RBFOX1: variants seen among roughly 807,000 people sequenced by gnomAD.
RBFOX1 encodes the protein RNA binding fox-1 homolog 1, also known as RNA binding protein fox-1 homolog 1.
In RBFOX1, 8 loss-of-function variants were observed where a neutral mutation model predicts 57.7. The observed-to-expected ratio is 0.14, with a 90% CI of 0.08 to 0.25. The LOEUF is 0.25. Among genes scored for constraint, RBFOX1 ranks in the 10% least tolerant of loss-of-function variants. The probability of loss-of-function intolerance (pLI) is 1.00; values close to 1 mark genes in which losing one functional copy is unlikely to be tolerated. For synonymous variants in RBFOX1, 326 were observed against 222.4 expected (o/e 1.47, Z -4.15); for missense variants, 611 against 548.5 (o/e 1.11, Z -1.14).
chr16:6,612,845 C>T (rs561769898), intron 2 of RBFOX1, among the ~76,000 whole-genome samples: 1 of 63,704 alleles, frequency 1.6e-5, no homozygotes, highest in Non-Finnish European at 2.8e-5. Context: ...GTGAGACTCT[C>T]TCTCAAAAAA....
intron 4 of RBFOX1, among the ~76,000 whole-genome samples, chr16:7,060,186 C>A (rs1367772765): frequency 6.6e-6 from 1 of 152,158 alleles, no homozygotes; most frequent in Non-Finnish European, 1.5e-5. Flanking sequence ...CCATTGCCCC[C>A]ACTCGACACT....
At chr16:6,780,605 G>A (rs148072418) in intron 3 of RBFOX1, among the ~76,000 whole-genome samples, 2,771 of 126,776 alleles carry the variant, frequency 0.022, 63 homozygotes, top group Middle Eastern at 0.083. Context: ...TTTCTTTTTT[G>A]TTTTTTGTTT....
intron 1 of RBFOX1, among the ~76,000 whole-genome samples, chr16:6,169,705 G>A (rs868491322): frequency 3.7e-4 from 57 of 152,304 alleles, no homozygotes; most frequent in Admixed American, 9.8e-4. Flanking sequence ...TGATTGAGGT[G>A]CAGCCACTAG....
chr16:5,696,535 G>T (rs2050847922), intron 3 of RBFOX1, among the ~76,000 whole-genome samples: 1 of 152,214 alleles, frequency 6.6e-6, no homozygotes, highest in South Asian at 2.1e-4. Flanking sequence ...CCAAGGCTAT[G>T]TGCGTTTTCA....
At chr16:6,835,882 C>T (rs369660802) in intron 3 of RBFOX1, among the ~76,000 whole-genome samples, 110 of 152,020 alleles carry the variant, frequency 7.2e-4, no homozygotes, top group Non-Finnish European at 1.3e-3. Flanking sequence ...GGTGGCTCCA[C>T]CTTTATGGTT....
At chr16:7,091,392 T>C (rs941161601) in intron 4 of RBFOX1, among the ~76,000 whole-genome samples, 6 of 152,034 alleles carry the variant, frequency 3.9e-5, no homozygotes, top group African/African-American at 1.2e-4. Context: ...TATCATTTTA[T>C]ACAAACATAC....
At chr16:6,117,697 G>A (rs992268822) in intron 1 of RBFOX1, among the ~76,000 whole-genome samples, 3 of 152,234 alleles carry the variant, frequency 2.0e-5, no homozygotes, top group Admixed American at 1.3e-4. Context: ...CCAGAACTGT[G>A]AGAAATACGT....
At chr16:5,806,756 G>A (rs1035272750) in intron 3 of RBFOX1, among the ~76,000 whole-genome samples, 7 of 152,236 alleles carry the variant, frequency 4.6e-5, no homozygotes, top group Non-Finnish European at 8.8e-5. Flanking sequence ...CCCGGGATAA[G>A]CTTCCCTAAT....
intron 4 of RBFOX1, among the ~76,000 whole-genome samples, chr16:5,898,538 T>C (rs2058223628): frequency 6.6e-6 from 1 of 151,646 alleles, no homozygotes; most frequent in African/African-American, 2.4e-5. Context: ...TTTTTTTTTT[T>C]GGTCATCTAC....
intron 4 of RBFOX1, among the ~76,000 whole-genome samples, chr16:7,415,733 C>T (rs1371653186): frequency 1.3e-5 from 2 of 152,130 alleles, no homozygotes; most frequent in Non-Finnish European, 2.9e-5. Flanking sequence ...TTCTTCTCTA[C>T]CCAGCAATGG....
At chr16:7,031,009 C>G (rs1362282508) in intron 3 of RBFOX1, among the ~76,000 whole-genome samples, 3 of 152,130 alleles carry the variant, frequency 2.0e-5, no homozygotes, top group Non-Finnish European at 2.9e-5. Flanking sequence ...GAAAGAGGAC[C>G]TTTATGACCT....
intron 2 of RBFOX1, among the ~76,000 whole-genome samples, chr16:5,572,048 C>G (rs903856300): frequency 1.3e-5 from 2 of 152,092 alleles, no homozygotes; most frequent in Admixed American, 1.3e-4. Context: ...AAGAAGCCCT[C>G]CTGACATAGA....
At chr16:6,954,833 C>T (rs911618902) in intron 3 of RBFOX1, among the ~76,000 whole-genome samples, 1 of 152,108 alleles carries the variant, frequency 6.6e-6, no homozygotes, top group East Asian at 1.9e-4. Flanking sequence ...TGTGGATTAG[C>T]AACTTTATAA....
intron 1 of RBFOX1, among the ~76,000 whole-genome samples, chr16:6,071,260 G>A (rs2095834089): frequency 6.6e-6 from 1 of 152,206 alleles, no homozygotes; most frequent in Non-Finnish European, 1.5e-5. Context: ...GGTTGAGGCT[G>A]TACTGAGCTG....
chr16:5,985,088 C>G (rs1415217022), intron 4 of RBFOX1, among the ~76,000 whole-genome samples: 2 of 149,550 alleles, frequency 1.3e-5, no homozygotes, highest in Non-Finnish European at 3.0e-5. Flanking sequence ...CGGGTTCACA[C>G]CATTCTCCTG....
chr16:7,643,901 C>A (rs1178631001), intron 11 of RBFOX1, among the ~76,000 whole-genome samples: 1 of 152,176 alleles, frequency 6.6e-6, no homozygotes, highest in Non-Finnish European at 1.5e-5. Flanking sequence ...TATCCCCCAA[C>A]AAGAAGCATA....
rs5815427 is a variant in RBFOX1 at position 7,710,844 on chromosome 16, T to TAAAAA, written c.*109_*113dup. 3 of 826,720 alleles carry TAAAAA rather than the reference T, an allele frequency of 3.6e-6. No homozygotes were observed. The highest frequency in any genetic ancestry group is 1.8e-5 in the African/African-American group (1 of 55,560). 51.2% of individuals were successfully genotyped at this position (826,720 alleles called of 1,614,324 possible). On this transcript the variant is annotated 3_prime_UTR_variant, in exon 16 of 16. Coordinates refer to ENST00000550418, the MANE Select transcript of RBFOX1 (RefSeq NM_018723.4). ...CAGTAGTACATCATTTTAGCAACTCTAAAAAAAAAAAAAATACAAATAAAA... is the reference window on the plus strand; with the variant it reads ...CAGTAGTACATCATTTTAGCAACTCTAAAAAAAAAAAAAAAAAAATACAAATAAAA...
intron 4 of RBFOX1, among the ~76,000 whole-genome samples, chr16:7,135,350 A>T (rs2071624173): frequency 6.6e-6 from 1 of 152,236 alleles, no homozygotes; most frequent in African/African-American, 2.4e-5. Flanking sequence ...CTTTGCAGAA[A>T]GAACACTGAG....
At chr16:6,007,359 A>C (rs929259883) in intron 4 of RBFOX1, among the ~76,000 whole-genome samples, 2 of 152,214 alleles carry the variant, frequency 1.3e-5, no homozygotes, top group Non-Finnish European at 2.9e-5. Flanking sequence ...ATGACAAGGC[A>C]CTGAGGGTGA....
Sources: allele counts gnomAD v4.1 joint callset (sites outside exome capture counted in the v4.1 genomes callset), GRCh38; gene constraint gnomAD v4.1.1; transcripts MANE v1.5; gene names NCBI Gene and HGNC (gene_info 2026-07-23, HGNC 2026-07-21).